WDR7: variants seen among roughly 807,000 people sequenced by gnomAD.
The protein encoded by WDR7 is WD repeat-containing protein 7.
WDR7 carries 46 observed loss-of-function variants against 169.4 expected under a neutral mutation model. The ratio of observed to expected loss-of-function variants is 0.27; its 90% CI spans 0.21 to 0.35. WDR7 has a LOEUF of 0.35. Among genes scored for constraint, WDR7 ranks in the 10% least tolerant of loss-of-function variants. The probability of loss-of-function intolerance (pLI) is 1.00; values close to 1 mark genes in which losing one functional copy is unlikely to be tolerated. For missense variants in WDR7, 1,534 were observed against 1,859.3 expected, an observed-to-expected ratio of 0.83 and a Z score of 3.22; for synonymous variants, 612 against 666.8, an observed-to-expected ratio of 0.92 and a Z score of 1.27.
In WDR7 at chr18:56,957,367, C is replaced by T. The variant is rs547562257; in HGVS notation, c.4065-5063C>T. On this transcript the variant is annotated intron_variant, in intron 25 of 27. Coordinates refer to ENST00000254442, the MANE Select transcript of WDR7 (RefSeq NM_015285.3). Reference sequence around the variant, plus strand: ...AAATCACAAAGAGGAGGCGCAGCATCCTCCCCTGAGCATGTTGCTTCCCTT... The same window carrying T: ...AAATCACAAAGAGGAGGCGCAGCATTCTCCCCTGAGCATGTTGCTTCCCTT... 2.0e-5 allele frequency: 3 copies of T among 152,016 alleles called. No individual in the cohort carries two copies. In the South Asian group the frequency reaches 6.2e-4, roughly 32 times the overall value. 9.4% of individuals were successfully genotyped at this position (152,016 alleles called of 1,614,324 possible). A position where few individuals can be genotyped will look rare whatever the true frequency, so the allele number is the denominator to read the frequency against.
At chr18:56,974,362 C>CCT (rs754053234) in intron 26 of WDR7, among the ~76,000 whole-genome samples, 139 of 111,794 alleles carry the variant, frequency 1.2e-3, no homozygotes, top group Non-Finnish European at 1.6e-3. Context: ...GCTTTTCTTG[C>CCT]TTTTTTTTTT....
intron 14 of WDR7, among the ~76,000 whole-genome samples, chr18:56,745,584 G>C (rs1361817454): frequency 6.6e-6 from 1 of 152,128 alleles, no homozygotes; most frequent in Non-Finnish European, 1.5e-5. Flanking sequence ...GATATGACAG[G>C]AGGTGGAGCT....
Position 56,774,788 on chromosome 18 carries a change from A to T in WDR7, c.2849-1994A>T, listed in dbSNP as rs372086064. Among the ~76,000 whole-genome samples, 58 of 152,194 alleles carry T rather than the reference A, an allele frequency of 3.8e-4. 1 individual carries two copies. In the South Asian group the frequency reaches 0.011, roughly 29 times the overall value. On this transcript the variant is annotated intron_variant, in intron 16 of 27. Coordinates refer to ENST00000254442, the MANE Select transcript of WDR7 (RefSeq NM_015285.3). ...GTGAATGAAGTATTTTTTGGTGGTG[A>T]TGCAGAGATTTTTAAAGCATAGTAA... is the stretch of plus-strand genomic sequence containing the variant.
intron 20 of WDR7, among the ~76,000 whole-genome samples, chr18:56,836,995 C>G (rs564621440): frequency 6.6e-4 from 101 of 152,290 alleles, no homozygotes; most frequent in African/African-American, 2.3e-3. Context: ...TGTCACACAA[C>G]AAACGTGTAA....
chr18:56,940,213 A>G (rs1373841197), intron 25 of WDR7, among the ~76,000 whole-genome samples: 4 of 152,172 alleles, frequency 2.6e-5, no homozygotes, highest in South Asian at 2.1e-4. Flanking sequence ...GACAAGTTCA[A>G]TGATATTCTA....
chr18:56,736,458 CAG>C (rs2026700851), intron 14 of WDR7, among the ~76,000 whole-genome samples: 1 of 151,222 alleles, frequency 6.6e-6, no homozygotes, highest in Non-Finnish European at 1.5e-5. Context: ...TATTGAGAGA[CAG>C]AGTATGGAAA....
rs555229163 is a variant in WDR7 at position 56,880,010 on chromosome 18, C to G, written c.3371C>G (p.Ala1124Gly). 2.0e-5 allele frequency: 33 copies of G among 1,613,966 alleles called. No individual in the cohort carries two copies. In the Admixed American group the frequency reaches 5.3e-4, roughly 26 times the overall value. The change falls in exon 21 of 28, where the codon GCT (alanine) becomes GGT (glycine). Residue 1124 changes from alanine to glycine, a missense_variant. Transcript: ENST00000254442. ...STSYEERRKQ[A>G]TAIVLLGVIG... ...TCTTACGAGGAAAGACGGAAGCAAG[C>G]TACCGCTATTGTTTTACTTGGAGTA...
chr18:56,892,008 A>G (rs2046270779), intron 21 of WDR7, among the ~76,000 whole-genome samples: 1 of 152,076 alleles, frequency 6.6e-6, no homozygotes, highest in Admixed American at 6.6e-5. Context: ...CAGCTTTATC[A>G]TTTTTAACTG....
intron 21 of WDR7, among the ~76,000 whole-genome samples, chr18:56,900,036 G>A (rs964353512): frequency 4.1e-5 from 6 of 147,926 alleles, no homozygotes; most frequent in African/African-American, 1.5e-4. Flanking sequence ...AGTGATCTCT[G>A]AATTAAGCTC....
chr18:56,994,971 A>T (rs556618723), intron 26 of WDR7, among the ~76,000 whole-genome samples: 4 of 152,330 alleles, frequency 2.6e-5, no homozygotes, highest in African/African-American at 9.6e-5. Flanking sequence ...TAAATTATCA[A>T]ATTTAGAATC....
intron 26 of WDR7, among the ~76,000 whole-genome samples, chr18:57,000,799 A>G (rs1185473723): frequency 6.6e-6 from 1 of 152,216 alleles, no homozygotes. Context: ...AGCTCTTAAT[A>G]AATTTCTGGT....
At chr18:56,935,968 C>A (rs1354175471) in intron 23 of WDR7, 63 bp downstream of exon 23, 3 of 1,426,396 alleles carry the variant, frequency 2.1e-6, no homozygotes, top group Non-Finnish European at 2.9e-6. Context: ...ATACTATAAG[C>A]TGAGGGTTCA....
At chr18:56,718,725 T>C (rs1252231410) in intron 13 of WDR7, among the ~76,000 whole-genome samples, 1 of 152,244 alleles carries the variant, frequency 6.6e-6, no homozygotes, top group Non-Finnish European at 1.5e-5. Flanking sequence ...CAGAAATTTG[T>C]AAGTATATAA....
intron 26 of WDR7, among the ~76,000 whole-genome samples, chr18:56,975,230 CG>C (rs2047549625): frequency 6.6e-6 from 1 of 151,804 alleles, no homozygotes; most frequent in South Asian, 2.1e-4. Flanking sequence ...AGCAAGACTC[CG>C]TCTCGGGGGT....
At chr18:56,863,897 T>C (rs973796460) in intron 20 of WDR7, among the ~76,000 whole-genome samples, 1 of 151,858 alleles carries the variant, frequency 6.6e-6, no homozygotes, top group African/African-American at 2.4e-5. Flanking sequence ...TATCTCGAAA[T>C]GTATTGAAAG....
At chr18:56,693,422 T>A (rs1467242442) in intron 9 of WDR7, among the ~76,000 whole-genome samples, 1 of 152,132 alleles carries the variant, frequency 6.6e-6, no homozygotes, top group Non-Finnish European at 1.5e-5. Context: ...TCCTGGTAGC[T>A]GGTAGCTAAC....
At chr18:56,769,964 G>T (rs2044127873) in intron 16 of WDR7, among the ~76,000 whole-genome samples, 1 of 152,078 alleles carries the variant, frequency 6.6e-6, no homozygotes, top group African/African-American at 2.4e-5. Flanking sequence ...TGCTGTGGAA[G>T]CTCAAAGGGT....
At chr18:56,863,027 C>T (rs2045830582) in intron 20 of WDR7, among the ~76,000 whole-genome samples, 1 of 151,708 alleles carries the variant, frequency 6.6e-6, no homozygotes, top group Non-Finnish European at 1.5e-5. Context: ...TTCACCTATA[C>T]CCAGTGAGAT....
chr18:56,712,511 T>C (rs2026108735), intron 12 of WDR7, among the ~76,000 whole-genome samples: 1 of 152,254 alleles, frequency 6.6e-6, no homozygotes, highest in Admixed American at 6.5e-5. Flanking sequence ...CTCTCCTTGC[T>C]TTTTCATAAA....
Sources: gnomAD v4.1 joint callset for allele counts (sites outside exome capture counted in the v4.1 genomes callset) on GRCh38, gnomAD v4.1.1 for gene constraint, MANE v1.5 for transcripts, NCBI Gene and HGNC (gene_info 2026-07-23, HGNC 2026-07-21) for gene names.